Variants in MTA3 observed in about 807,000 individuals in gnomAD.
MTA3 encodes the protein metastasis-associated protein MTA3.
MTA3 carries 34 observed loss-of-function variants against 83.5 expected under a neutral mutation model. The observed-to-expected ratio is 0.41, with a 90% confidence interval of 0.31 to 0.54. The LOEUF is 0.54. Among genes scored for constraint, MTA3 ranks in the 20% least tolerant of loss-of-function variants. MTA3 has a pLI of 0.33. For synonymous variants in MTA3, 303 were observed against 252.7 expected (o/e 1.20, Z -1.89); for missense variants, 761 against 726.4 (o/e 1.05, Z -0.55).
At position 42,755,838 on chromosome 2, in the gene MTA3, G is replaced by C. The variant is rs1451114258; in HGVS notation, c.*2439G>C. The C allele has an allele frequency of 4.1e-6, 4 of 985,476 alleles. No homozygotes were observed. The highest frequency in any genetic ancestry group is 4.8e-6 in the Non-Finnish European group (4 of 830,078). The allele number at this position is 985,476 out of a possible 1,614,324, so 61.0% of individuals were successfully genotyped here. ...CGCAGCCCCCAGCAGACATGCCCCT[G>C]GGGTGAGGACACAGGCTCTGCAGGC... On this transcript the variant is annotated 3_prime_UTR_variant, in exon 17 of 17. Transcript: ENST00000405094.
intron 2 of MTA3, among the ~76,000 whole-genome samples, chr2:42,498,575 A>G (rs977726621): frequency 5.9e-5 from 9 of 152,220 alleles, no homozygotes; most frequent in South Asian, 4.1e-4. Context: ...ATTGGTACAC[A>G]TATATGTAAC....
intron 2 of MTA3, among the ~76,000 whole-genome samples, chr2:42,551,393 G>A (rs1287197185): frequency 2.0e-5 from 3 of 151,884 alleles, no homozygotes; most frequent in East Asian, 1.9e-4. Context: ...GTTTCACCAC[G>A]TTGGCCACCC....
intron 5 of MTA3, among the ~76,000 whole-genome samples, chr2:42,640,713 A>G (rs145639109): frequency 6.6e-6 from 1 of 152,238 alleles, no homozygotes; most frequent in Non-Finnish European, 1.5e-5. Context: ...GTAGTTAACA[A>G]GTTGAGATAG....
chr2:42,573,391 G>C (rs1364681704), intron 2 of MTA3, among the ~76,000 whole-genome samples: 1 of 152,124 alleles, frequency 6.6e-6, no homozygotes. Context: ...TGTCACCCAG[G>C]CTGGAGTTCA....
intron 2 of MTA3, among the ~76,000 whole-genome samples, chr2:42,523,161 G>A (rs1055219165): frequency 2.0e-5 from 3 of 152,084 alleles, no homozygotes; most frequent in Non-Finnish European, 4.4e-5. Context: ...TTAGTTCAAT[G>A]TATATTCCTT....
At chr2:42,499,057 G>A (rs1416428976) in intron 2 of MTA3, among the ~76,000 whole-genome samples, 2 of 152,100 alleles carry the variant, frequency 1.3e-5, no homozygotes, top group African/African-American at 2.4e-5. Flanking sequence ...AAGTCAAAGG[G>A]TATGAAGTTT....
rs553783060 is a variant in MTA3, at chr2:42,682,421, G to A, written c.723G>A (p.Leu241=). 2.5e-6 allele frequency: 4 copies of A among 1,607,590 alleles called. No homozygotes were observed. The highest frequency in any genetic ancestry group is 2.2e-5 in the South Asian group (2 of 89,896). ...TTTAGTTTCACGCTATGGATACATT[G>A]TATAGACACAGCTATGATTTGAGCA... ...DITLFHAMDT[L]YRHSYDLSSA... The change falls in exon 9 of 17, where the codon TTG becomes TTA. Residue 241 remains leucine (L), a synonymous_variant. Transcript: ENST00000405094.
chr2:42,566,686 G>A (rs908987191), upstream of MTA3, among the ~76,000 whole-genome samples: 2 of 152,200 alleles, frequency 1.3e-5, no homozygotes, highest in African/African-American at 4.8e-5. Flanking sequence ...CTAAGCTTGG[G>A]AAATGAGACA....
chr2:42,623,326 C>T (rs1168519611), intron 4 of MTA3, among the ~76,000 whole-genome samples: 3 of 152,140 alleles, frequency 2.0e-5, no homozygotes, highest in Admixed American at 1.3e-4. Flanking sequence ...GGTTGCTATG[C>T]GAAGGGTACT....
chr2:42,536,786 G>A (rs2103736003), intron 2 of MTA3, among the ~76,000 whole-genome samples: 1 of 148,086 alleles, frequency 6.8e-6, no homozygotes, highest in African/African-American at 2.5e-5. Flanking sequence ...GTGAACCCGG[G>A]AGGCAGAGCT....
intron 2 of MTA3, among the ~76,000 whole-genome samples, chr2:42,548,861 T>A (rs867768981): frequency 0.012 from 89 of 7,400 alleles, no homozygotes; most frequent in Non-Finnish European, 0.015. Flanking sequence ...ATATATATAA[T>A]ATATATATAT....
intron 16 of MTA3, among the ~76,000 whole-genome samples, chr2:42,752,651 C>T (rs1488863287): frequency 1.3e-5 from 2 of 152,142 alleles, no homozygotes; most frequent in Non-Finnish European, 2.9e-5. Flanking sequence ...TGTTCATAGC[C>T]TCTGGGTGCC....
At chr2:42,545,995 T>G (rs1676741888) in intron 2 of MTA3, among the ~76,000 whole-genome samples, 1 of 152,288 alleles carries the variant, frequency 6.6e-6, no homozygotes, top group Admixed American at 6.5e-5. Flanking sequence ...GCGTTAACAC[T>G]AATCGCAATG....
intron 2 of MTA3, chr2:42,511,707 C>T (rs1314236222): frequency 6.6e-6 from 1 of 151,992 alleles, no homozygotes; most frequent in African/African-American, 2.4e-5. Context: ...AAGAGTGAAA[C>T]TCTGTCTCAA....
At chr2:42,669,677 G>C (rs946874428) in intron 8 of MTA3, among the ~76,000 whole-genome samples, 1 of 152,206 alleles carries the variant, frequency 6.6e-6, no homozygotes, top group African/African-American at 2.4e-5. Context: ...TTACAGATGA[G>C]TGTGGAGACG....
chr2:42,620,514 A>G (rs1685416125), intron 4 of MTA3, among the ~76,000 whole-genome samples: 1 of 152,036 alleles, frequency 6.6e-6, no homozygotes, highest in Admixed American at 6.6e-5. Context: ...TTTTTGAGAG[A>G]TAGGGTCTCG....
chr2:42,586,150 G>A (rs551518974), intron 3 of MTA3, among the ~76,000 whole-genome samples: 2 of 151,816 alleles, frequency 1.3e-5, no homozygotes, highest in Admixed American at 1.3e-4. Context: ...GGCAGCACAT[G>A]CCTGTAATTC....
At chr2:42,694,175 C>T (rs1050412392) in intron 9 of MTA3, among the ~76,000 whole-genome samples, 1 of 152,250 alleles carries the variant, frequency 6.6e-6, no homozygotes, top group African/African-American at 2.4e-5. Context: ...ATCCCTTAAG[C>T]AGAAGGAAGG....
At chr2:42,633,061 G>A (rs905007098) in intron 4 of MTA3, among the ~76,000 whole-genome samples, 1 of 151,686 alleles carries the variant, frequency 6.6e-6, no homozygotes, top group Non-Finnish European at 1.5e-5. Flanking sequence ...TCAAGAGCTC[G>A]AGACCATCCT....
Sources: allele counts gnomAD v4.1 joint callset (sites outside exome capture counted in the v4.1 genomes callset), GRCh38; gene constraint gnomAD v4.1.1; transcripts MANE v1.5; gene names NCBI Gene and HGNC (gene_info 2026-07-23, HGNC 2026-07-21).